The following ST3GAL6 variants were observed in gnomAD, a reference collection of about 807,000 sequenced individuals.
ST3GAL6 encodes ST3 beta-galactoside alpha-2,3-sialyltransferase 6.
A neutral mutation model predicts 40.5 loss-of-function variants in ST3GAL6; 31 were observed. The ratio of observed to expected loss-of-function variants is 0.77; its 90% CI spans 0.58 to 1.03. The LOEUF (loss-of-function observed/expected upper bound fraction) is 1.03, where lower values mean the gene tolerates loss of function less well. Ranked by LOEUF, ST3GAL6 falls within the 50% of genes least tolerant of loss-of-function variation. The pLI is 0.00. For synonymous variants in ST3GAL6, 129 were observed against 136.9 expected, an observed-to-expected ratio of 0.94 and a Z score of 0.40; for missense variants, 357 against 393.2, an observed-to-expected ratio of 0.91 and a Z score of 0.78.
At chr3:98,734,565 ATG>A (rs1279243177) in intron 1 of ST3GAL6, among the ~76,000 whole-genome samples, 2 of 152,154 alleles carry the variant, frequency 1.3e-5, no homozygotes, top group South Asian at 4.1e-4. Flanking sequence ...TAGTTCCACA[ATG>A]TCTCAGTCCC....
chr3:98,764,552 T>C lies in ST3GAL6; in HGVS notation c.-12+1113T>C, dbSNP rs138865753. 2.5e-4 allele frequency among the ~76,000 whole-genome samples: 38 copies of C among 152,318 alleles called. No homozygotes were observed. In the East Asian group the frequency reaches 7.3e-3, roughly 29 times the overall value. On this transcript the variant is annotated intron_variant, in intron 1 of 9. Coordinates refer to ENST00000483910, the MANE Select transcript of ST3GAL6 (RefSeq NM_001323368.2). The stretch of plus-strand genomic sequence containing the variant: ...AGTTGGAGAAATGTTCAGTAATGTT[T>C]AGTCTGGTAGCAAAAGGAGGGGCCT...
chr3:98,761,153 A>G (rs1430739323), upstream of ST3GAL6, among the ~76,000 whole-genome samples: 1 of 152,166 alleles, frequency 6.6e-6, no homozygotes, highest in Non-Finnish European at 1.5e-5. Flanking sequence ...TACCTGATAC[A>G]CTTAAAAGTG....
chr3:98,754,766 G>A (rs1937293231), intron 1 of ST3GAL6, among the ~76,000 whole-genome samples: 1 of 152,188 alleles, frequency 6.6e-6, no homozygotes, highest in Admixed American at 6.5e-5. Flanking sequence ...TAAGCACTGA[G>A]TCAAGATCAT....
intron 1 of ST3GAL6, among the ~76,000 whole-genome samples, chr3:98,753,582 C>T (rs775047446): frequency 3.9e-5 from 6 of 152,230 alleles, no homozygotes; most frequent in South Asian, 4.1e-4. Flanking sequence ...GGCTGGCTCA[C>T]CCTCTTGTTA....
chr3:98,754,432 C>G (rs1366324218), intron 1 of ST3GAL6, among the ~76,000 whole-genome samples: 1 of 152,224 alleles, frequency 6.6e-6, no homozygotes, highest in Admixed American at 6.5e-5. Flanking sequence ...AGGATTGCTT[C>G]TTATGCAGGA....
At chr3:98,754,387 A>T (rs1937258488) in intron 1 of ST3GAL6, among the ~76,000 whole-genome samples, 1 of 152,220 alleles carries the variant, frequency 6.6e-6, no homozygotes, top group Admixed American at 6.5e-5. Context: ...AAGTGACTGA[A>T]TTGTTACAAA....
intron 5 of ST3GAL6, among the ~76,000 whole-genome samples, chr3:98,778,285 A>G (rs1278947344): frequency 1.3e-5 from 2 of 152,244 alleles, no homozygotes; most frequent in East Asian, 1.9e-4. Context: ...TGTCAGCATC[A>G]GCAAAGCTGG....
chr3:98,779,398 G>A (rs999521579), intron 5 of ST3GAL6, among the ~76,000 whole-genome samples: 1 of 152,180 alleles, frequency 6.6e-6, no homozygotes, highest in Non-Finnish European at 1.5e-5. Flanking sequence ...AGGCACATGG[G>A]GTAATGGGTG....
Position 98,793,660 on chromosome 3 carries a change from AT to A in ST3GAL6, c.910-10del. The A allele has an allele frequency of 6.5e-7, 1 of 1,545,332 alleles. No individual in the cohort carries two copies. The highest frequency in any genetic ancestry group is 8.8e-7 in the Non-Finnish European group (1 of 1,139,772). ...ATTGGGAAAGAATGATGGTAATTGTATTTTTCTTCTTTAGAACGCGTATCAC... is the reference window on the plus strand; with the variant it reads ...ATTGGGAAAGAATGATGGTAATTGTATTTTCTTCTTTAGAACGCGTATCAC... On this transcript the variant is annotated splice_polypyrimidine_tract_variant and intron_variant, in intron 9 of 9. Transcript: ENST00000483910.
chr3:98,763,370 A>G lies in ST3GAL6; in HGVS notation c.-81A>G. 1 of 1,289,834 alleles carries G rather than the reference A, an allele frequency of 7.8e-7. No individual in the cohort carries two copies. Among genetic ancestry groups the G allele is most frequent in the Non-Finnish European group, 1.0e-6 (1 of 988,868 alleles). 79.9% of individuals were successfully genotyped at this position (1,289,834 alleles called of 1,614,324 possible). On this transcript the variant is annotated 5_prime_UTR_variant, in exon 1 of 10. An upstream start codon of the reference 5' UTR is lost. Transcript: ENST00000483910. ...GAGCTGAAGACCAGCAGAGACTAGG[A>G]TGGATGACGGCCTGTCCAGGGGCTG...
intron 1 of ST3GAL6, among the ~76,000 whole-genome samples, chr3:98,753,515 G>C (rs113261220): frequency 8.5e-4 from 129 of 152,334 alleles, no homozygotes; most frequent in African/African-American, 3.1e-3. Context: ...GAAGAAGATG[G>C]CTTCTGGGAC....
chr3:98,770,831 C>A, intron 2 of ST3GAL6, 48 bp from the exon 3 acceptor site: 2 of 1,551,962 alleles, frequency 1.3e-6, no homozygotes, highest in Non-Finnish European at 1.8e-6. Flanking sequence ...TCCCTTTGGG[C>A]AGGGTGCCCG....
At chr3:98,762,473 A>G (rs1025571706), upstream of ST3GAL6, among the ~76,000 whole-genome samples, 3 of 152,194 alleles carry the variant, frequency 2.0e-5, no homozygotes, top group Non-Finnish European at 4.4e-5. Flanking sequence ...TAAAAAATCT[A>G]TATGTGCTGT....
chr3:98,732,473 T>TGTA, exon 1 of ST3GAL6: 1 of 183,210 alleles, frequency 5.5e-6, no homozygotes, highest in Non-Finnish European at 1.1e-5. Flanking sequence ...CCCTTCGCGG[T>TGTA]GATTTTCCGG....
At chr3:98,750,703 G>T (rs1354923946) in intron 1 of ST3GAL6, among the ~76,000 whole-genome samples, 1 of 152,056 alleles carries the variant, frequency 6.6e-6, no homozygotes, top group Non-Finnish European at 1.5e-5. Flanking sequence ...GTTAAGCACT[G>T]CTCTGCCCAC....
At chr3:98,783,173 G>A (rs12107050) in intron 5 of ST3GAL6, 73,558 of 173,616 alleles carry the variant, frequency 0.42, 16,008 homozygotes, top group Non-Finnish European at 0.45. Flanking sequence ...GTACGATGTG[G>A]TCATCATGTT....
chr3:98,747,476 A>G (rs1274815961), intron 1 of ST3GAL6, among the ~76,000 whole-genome samples: 1 of 152,202 alleles, frequency 6.6e-6, no homozygotes, highest in Non-Finnish European at 1.5e-5. Flanking sequence ...TGAAACGACA[A>G]TTCTAAAGTA....
At position 98,795,160 on chromosome 3, in the gene ST3GAL6, A is replaced by C. The variant is rs996671926; in HGVS notation, c.*1399A>C. Reference sequence around the variant, plus strand: ...GTGAAGAAACAGAAAAATAGAGGTTATAAGGATGGAACTAAAAGTTGTCAG... The same window carrying C: ...GTGAAGAAACAGAAAAATAGAGGTTCTAAGGATGGAACTAAAAGTTGTCAG... On this transcript the variant is annotated 3_prime_UTR_variant, in exon 10 of 10. Transcript: ENST00000483910. The C allele has an allele frequency of 6.6e-6, 1 of 152,218 alleles. No homozygotes were observed. The highest frequency in any genetic ancestry group is 2.4e-5 in the African/African-American group (1 of 41,444). 9.4% of individuals were successfully genotyped at this position (152,218 alleles called of 1,614,324 possible).
At chr3:98,786,478 T>G (rs1940725933) in intron 6 of ST3GAL6, among the ~76,000 whole-genome samples, 2 of 152,110 alleles carry the variant, frequency 1.3e-5, no homozygotes, top group Non-Finnish European at 2.9e-5. Flanking sequence ...ACTGGTGACC[T>G]GAGGCTCATT....
Sources: allele counts gnomAD v4.1 joint callset (sites outside exome capture counted in the v4.1 genomes callset), GRCh38; gene constraint gnomAD v4.1.1; transcripts MANE v1.5; gene names NCBI Gene and HGNC (gene_info 2026-07-23, HGNC 2026-07-21).